POU1F1: variants seen among roughly 807,000 people sequenced by gnomAD.
POU1F1 encodes the protein POU class 1 homeobox 1.
A neutral mutation model predicts 32.3 loss-of-function variants in POU1F1; 23 were observed. The observed-to-expected ratio is 0.71, with a 90% CI of 0.51 to 1.01. The LOEUF (loss-of-function observed/expected upper bound fraction) is 1.01, where lower values mean the gene tolerates loss of function less well. POU1F1 is among the 50% of genes least tolerant of loss of function. The pLI is 0.00. For synonymous variants in POU1F1, 120 were observed against 115.6 expected (o/e 1.04, Z -0.25); for missense variants, 323 against 341.6 (o/e 0.95, Z 0.43).
At chr3:87,263,621 T>C (rs1276963307) in intron 3 of POU1F1, among the ~76,000 whole-genome samples, 1 of 152,076 alleles carries the variant, frequency 6.6e-6, no homozygotes, top group East Asian at 1.9e-4. Flanking sequence ...TTCTAACATT[T>C]TTGCTGCGCA....
chr3:87,263,403 A>ACTC (rs1337889880), intron 3 of POU1F1, among the ~76,000 whole-genome samples: 1 of 152,096 alleles, frequency 6.6e-6, no homozygotes, highest in African/African-American at 2.4e-5. Context: ...TTATAGTTAT[A>ACTC]CTCTTCTAGA....
chr3:87,261,390 C>A (rs1053201870), intron 4 of POU1F1, 57 bp from the exon 5 acceptor site: 1 of 1,312,366 alleles, frequency 7.6e-7, no homozygotes, highest in Non-Finnish European at 1.1e-6. Flanking sequence ...TTATAAAAAA[C>A]GATCTGATTT....
chr3:87,274,093 T>A (rs1706779575), intron 1 of POU1F1, among the ~76,000 whole-genome samples: 1 of 152,138 alleles, frequency 6.6e-6, no homozygotes, highest in Non-Finnish European at 1.5e-5. Flanking sequence ...TGTCTGCATA[T>A]ACACAATTGA....
chr3:87,276,190 T>C (rs983223172), intron 1 of POU1F1, 131 bp downstream of exon 1: 1 of 1,194,972 alleles, frequency 8.4e-7, no homozygotes, highest in Non-Finnish European at 1.2e-6. Context: ...TAATGCTTAC[T>C]TCACTTAAGA....
rs200873915 is a variant in POU1F1, at chr3:87,276,423, G to C, written c.40C>G (p.Pro14Ala). ...GTTGCAGAGGCGTCAGAATTCAGAG[G>C]TATAAAGGTATCAGCCGAAGTAAAA... ...QAFTSADTFI[P>A]LNSDASATLP... Residue 14 changes from proline (P) to alanine (A), a missense_variant, in exon 1 of 6, where the codon CCT (proline) becomes GCT (alanine). Pro to Ala is a conservative substitution (Grantham distance 27). Coordinates refer to ENST00000350375, the MANE Select transcript of POU1F1 (RefSeq NM_000306.4). 2.1e-4 allele frequency: 346 copies of C among 1,613,770 alleles called. No homozygotes were observed. Among genetic ancestry groups the C allele is most frequent in the Non-Finnish European group, 2.8e-4 (332 of 1,179,918 alleles).
intron 2 of POU1F1, among the ~76,000 whole-genome samples, chr3:87,268,941 C>A (rs1325456428): frequency 6.6e-6 from 1 of 152,080 alleles, no homozygotes; most frequent in Non-Finnish European, 1.5e-5. Context: ...CTCAATGTAC[C>A]ATAGCATGGG....
intron 1 of POU1F1, 125 bp downstream of exon 1, chr3:87,276,196 T>C: frequency 7.9e-7 from 1 of 1,269,038 alleles, no homozygotes; most frequent in Admixed American, 1.7e-5. Flanking sequence ...TTACTTCACT[T>C]AAGACAAATT....
At position 87,273,398 on chromosome 3, in the gene POU1F1, C is replaced by A. The variant is rs771337378; in HGVS notation, c.163G>T (p.Val55Phe). 1.2e-6 allele frequency: 2 copies of A among 1,612,594 alleles called. No individual in the cohort carries two copies. The highest frequency in any genetic ancestry group is 1.7e-6 in the Non-Finnish European group (2 of 1,179,030). The change falls in exon 2 of 6, where the codon GTT becomes TTT. Residue 55 changes from valine to phenylalanine, a missense_variant. By Grantham distance (50) the Val-to-Phe change is conservative. Transcript: ENST00000350375. ...MSTATGLHYS[V>F]PSCHYGNQPS... ...TGGTTTCCATAATGACAGGAAGGAA[C>A]AGAATAATGAAGTCCTGTTGCTGTG... is the stretch of plus-strand genomic sequence containing the variant.
chr3:87,267,350 C>T (rs1449092968), intron 2 of POU1F1, among the ~76,000 whole-genome samples: 6 of 152,140 alleles, frequency 3.9e-5, no homozygotes, highest in African/African-American at 1.4e-4. Context: ...CAGTGCCCAA[C>T]GAATTAACTT....
chr3:87,276,487 G>A lies in POU1F1; in HGVS notation c.-25C>T, dbSNP rs1445983816. 6.2e-7 allele frequency: 1 copy of A among 1,612,394 alleles called. No individual in the cohort carries two copies. ...TTCCCACAAGAGAGTAGAAAAATAAGGAGAACCGCTGCTCCCCAAATCAGA... is the reference window on the plus strand; with the variant it reads ...TTCCCACAAGAGAGTAGAAAAATAAAGAGAACCGCTGCTCCCCAAATCAGA... On this transcript the variant is annotated 5_prime_UTR_variant, in exon 1 of 6. Coordinates refer to ENST00000350375, the MANE Select transcript of POU1F1 (RefSeq NM_000306.4).
Position 87,273,374 on chromosome 3 carries a change from G to C in POU1F1, c.187C>G (p.Gln63Glu). ...YSVPSCHYGN[Q>E]PSTYGVMAGS... The stretch of plus-strand genomic sequence containing the variant: ...GCCATCACTCCATAGGTTGATGGCT[G>C]GTTTCCATAATGACAGGAAGGAACA... Residue 63 changes from glutamine (Q) to glutamate (E), a missense_variant, in exon 2 of 6, where the codon CAG (glutamine) becomes GAG (glutamate). By Grantham distance (29) the Gln-to-Glu change is conservative. Coordinates refer to ENST00000350375, the MANE Select transcript of POU1F1 (RefSeq NM_000306.4). The C allele has an allele frequency of 6.2e-7, 1 of 1,612,892 alleles. No homozygotes were observed. The highest frequency in any genetic ancestry group is 8.5e-7 in the Non-Finnish European group (1 of 1,179,316).
At chr3:87,263,321 C>T (rs928301827) in intron 3 of POU1F1, among the ~76,000 whole-genome samples, 1 of 152,012 alleles carries the variant, frequency 6.6e-6, no homozygotes, top group African/African-American at 2.4e-5. Flanking sequence ...TCACTTTGAC[C>T]TGTCTGATTT....
rs1423913425 is a variant in POU1F1 at position 87,259,431 on chromosome 3, A to C, written c.*463T>G. The C allele has an allele frequency of 1.2e-5, 2 of 161,086 alleles. No individual in the cohort carries two copies. The highest frequency in any genetic ancestry group is 2.7e-5 in the Non-Finnish European group (2 of 74,176). 10.0% of individuals were successfully genotyped at this position (161,086 alleles called of 1,614,324 possible). A position where few individuals can be genotyped will look rare whatever the true frequency, so the allele number is the denominator to read the frequency against. On this transcript the variant is annotated 3_prime_UTR_variant, in exon 6 of 6. Coordinates refer to ENST00000350375, the MANE Select transcript of POU1F1 (RefSeq NM_000306.4). ...TAAGACACCTCCAGCTCTTAAGTTC[A>C]AAACTTTTAGTTCAGACAAATTAGT...
rs773651922 is a variant in POU1F1, at chr3:87,276,431, G to T, written c.32C>A (p.Thr11Asn). The T allele has an allele frequency of 1.2e-6, 2 of 1,613,828 alleles. No homozygotes were observed. The highest frequency in any genetic ancestry group is 1.7e-6 in the Non-Finnish European group (2 of 1,179,886). Residue 11 changes from threonine to asparagine, a missense_variant, in exon 1 of 6, where the codon ACC becomes AAC. By Grantham distance (65) the Thr-to-Asn change is moderately conservative. Transcript: ENST00000350375. The part of the protein sequence containing the change: MSCQAFTSAD[T>N]FIPLNSDASA... Reference sequence around the variant, plus strand: ...GGCGTCAGAATTCAGAGGTATAAAGGTATCAGCCGAAGTAAAAGCTTGGCA... The same window carrying T: ...GGCGTCAGAATTCAGAGGTATAAAGTTATCAGCCGAAGTAAAAGCTTGGCA...
intron 5 of POU1F1, 79 bp from the exon 6 acceptor site, chr3:87,260,183 G>T: frequency 9.1e-7 from 1 of 1,093,058 alleles, no homozygotes; most frequent in South Asian, 1.3e-5. Flanking sequence ...AAGGTAGGTT[G>T]AATTTCCTCA....
intron 1 of POU1F1, among the ~76,000 whole-genome samples, chr3:87,274,640 T>G (rs983170627): frequency 6.6e-6 from 1 of 151,746 alleles, no homozygotes; most frequent in South Asian, 2.1e-4. Flanking sequence ...TGCATTACTG[T>G]GCATTCCAAA....
intron 5 of POU1F1, 75 bp downstream of exon 5, chr3:87,261,198 G>A: frequency 9.3e-7 from 1 of 1,080,982 alleles, no homozygotes; most frequent in African/African-American, 1.6e-5. Context: ...TGTTACACCT[G>A]CATTACACTC....
intron 1 of POU1F1, among the ~76,000 whole-genome samples, chr3:87,274,701 A>C (rs1706795057): frequency 1.3e-5 from 2 of 151,774 alleles, no homozygotes; most frequent in African/African-American, 4.8e-5. Flanking sequence ...TTCCCATTAA[A>C]GTCAGTGTTT....
chr3:87,273,392 A>C lies in POU1F1; in HGVS notation c.169T>G (p.Ser57Ala), dbSNP rs764833663. 1 of 1,612,916 alleles carries C rather than the reference A, an allele frequency of 6.2e-7. No homozygotes were observed. Among genetic ancestry groups the C allele is most frequent in the South Asian group, 1.1e-5 (1 of 91,048 alleles). ...TATGLHYSVP[S>A]CHYGNQPSTY... is the part of the protein sequence containing the mutation. ...GATGGCTGGTTTCCATAATGACAGG[A>C]AGGAACAGAATAATGAAGTCCTGTT... Residue 57 changes from serine to alanine, a missense_variant, in exon 2 of 6, where the codon TCC becomes GCC. Transcript: ENST00000350375.
Sources: allele counts gnomAD v4.1 joint callset (sites outside exome capture counted in the v4.1 genomes callset), GRCh38; gene constraint gnomAD v4.1.1; transcripts MANE v1.5; gene names NCBI Gene and HGNC (gene_info 2026-07-23, HGNC 2026-07-21).